The following CFAP74 variants were observed in gnomAD, a reference collection of about 807,000 sequenced individuals.
The protein encoded by CFAP74 is cilia and flagella associated protein 74, also known as cilia- and flagella-associated protein 74.
In CFAP74, 124 loss-of-function variants were observed where a neutral mutation model predicts 188.9. That is an observed-to-expected ratio of 0.66 (90% CI 0.57 to 0.76). The LOEUF is 0.76. CFAP74 is among the 30% of genes least tolerant of loss of function. CFAP74 has a pLI of 0.00. For synonymous variants in CFAP74, 956 were observed against 916.7 expected (o/e 1.04, Z -0.77); for missense variants, 2,198 against 2,165.2 (o/e 1.02, Z -0.30).
At chr1:1,988,808 C>T (rs546279956) in intron 3 of CFAP74, 81 bp downstream of exon 3, 64 of 880,500 alleles carry the variant, frequency 7.3e-5, no homozygotes, top group East Asian at 5.2e-4. Flanking sequence ...GCAGCCGCCC[C>T]GCTCCCTTCA....
At chr1:2,000,861 C>T (rs1658171705) in intron 1 of CFAP74, among the ~76,000 whole-genome samples, 1 of 152,148 alleles carries the variant, frequency 6.6e-6, no homozygotes, top group Non-Finnish European at 1.5e-5. Context: ...GAGACAGCCC[C>T]GATGGCCACG....
intron 18 of CFAP74, among the ~76,000 whole-genome samples, chr1:1,948,946 T>TCC (rs1558014989): frequency 1.6e-5 from 2 of 122,222 alleles, no homozygotes; most frequent in Non-Finnish European, 3.5e-5. Flanking sequence ...CTCCCTTCCT[T>TCC]TCCCTCCCTT....
chr1:1,949,021 T>G (rs1333626759), intron 18 of CFAP74, among the ~76,000 whole-genome samples: 1 of 80,502 alleles, frequency 1.2e-5, no homozygotes, highest in African/African-American at 5.3e-5. Context: ...TCCCCTTCCT[T>G]CCTTCTCTCC....
chr1:1,930,096 G>A lies in CFAP74; in HGVS notation c.3252C>T (p.Thr1084=). Residue 1084 remains threonine, a synonymous_variant, in exon 26 of 39, where the codon ACC becomes ACT. Coordinates refer to ENST00000682832, the MANE Select transcript of CFAP74 (RefSeq NM_001304360.2). ...EFLLPPDSPI[T]ISPSVGTVWP... ...ACACGGTCCCCACTGAGGGCGAGAT[G>A]GTGATAGGCGAGTCTGGGGGCAGCA... is the stretch of plus-strand genomic sequence containing the variant. 1.3e-6 allele frequency: 2 copies of A among 1,533,464 alleles called. No individual in the cohort carries two copies. The highest frequency in any genetic ancestry group is 1.7e-6 in the Non-Finnish European group (2 of 1,144,894). The allele number at this position is 1,533,464 out of a possible 1,614,324, so 95.0% of individuals were successfully genotyped here.
Position 1,922,984 on chromosome 1 carries a change from C to A in CFAP74, c.4683+1G>T, listed in dbSNP as rs375697801. 57 of 1,576,124 alleles carry A rather than the reference C, an allele frequency of 3.6e-5. No individual in the cohort carries two copies. Among genetic ancestry groups the A allele is most frequent in the Non-Finnish European group, 4.8e-5 (56 of 1,164,088 alleles). Reference sequence around the variant, plus strand: ...GTCCCCAGGGGCAGTGCTGTGGGCACCTTCTTTGGAGATGGCTGGGTGGTC... The same window carrying A: ...GTCCCCAGGGGCAGTGCTGTGGGCAACTTCTTTGGAGATGGCTGGGTGGTC... On this transcript the variant is annotated splice_donor_variant, in intron 37 of 38. Transcript: ENST00000682832. LOFTEE classifies it high-confidence loss of function.
chr1:1,988,243 C>A (rs1490114552), intron 4 of CFAP74: 1 of 640,344 alleles, frequency 1.6e-6, no homozygotes, highest in Non-Finnish European at 2.9e-6. Context: ...AAAGAAGCTA[C>A]AACGAAAGCT....
intron 25 of CFAP74, among the ~76,000 whole-genome samples, chr1:1,931,519 A>G (rs4648595): frequency 0.84 from 119,945 of 142,180 alleles, 50,682 homozygotes; most frequent in African/African-American, 0.93. Context: ...GGCGGATCAC[A>G]AGGTCAGGAG....
Position 1,973,670 on chromosome 1 carries a change from G to C in CFAP74, c.674+355C>G, listed in dbSNP as rs564565873. On this transcript the variant is annotated intron_variant, in intron 7 of 38. Coordinates refer to ENST00000682832, the MANE Select transcript of CFAP74 (RefSeq NM_001304360.2). The surrounding 1 kb of genome is among the most constrained non-coding windows in gnomAD (Gnocchi z 6.2). ...GGAGGGGTGCAAAGGAGCAGCCAGA[G>C]GTGGGGATGGAGCCCAGAGAATGGC... 6.6e-6 allele frequency among the ~76,000 whole-genome samples: 1 copy of C among 152,204 alleles called. No homozygotes were observed. Among genetic ancestry groups the C allele is most frequent in the South Asian group, 2.1e-4 (1 of 4,820 alleles).
At chr1:1,937,944 A>T (rs1332068061) in intron 25 of CFAP74, among the ~76,000 whole-genome samples, 1 of 148,296 alleles carries the variant, frequency 6.7e-6, no homozygotes, top group African/African-American at 2.5e-5. Context: ...TCTCACATAA[A>T]CGCACTCATA....
At chr1:1,922,521 AG>A in intron 38 of CFAP74, 67 bp downstream of exon 38, 2 of 1,578,918 alleles carry the variant, frequency 1.3e-6, no homozygotes, top group Non-Finnish European at 1.7e-6. Context: ...GGGACTGGGC[AG>A]GGGTGTCAGC....
chr1:1,969,085 T>A (rs1655696006), intron 10 of CFAP74, among the ~76,000 whole-genome samples: 2 of 152,122 alleles, frequency 1.3e-5, no homozygotes, highest in Admixed American at 1.3e-4. Context: ...GGGAAGCAGA[T>A]GGGCAGAGGC....
At chr1:1,927,062 T>A in intron 28 of CFAP74, 34 bp from the exon 29 acceptor site, 2 of 1,549,640 alleles carry the variant, frequency 1.3e-6, no homozygotes, top group Non-Finnish European at 1.7e-6. Flanking sequence ...GCTCCCGCCT[T>A]GCCCCCACCC....
rs1557985199 is a variant in CFAP74 at position 1,926,678 on chromosome 1, A to G, written c.3746T>C (p.Ile1249Thr). ...CACAGCGACGTCGCCGAAGTTAAAG[A>G]TGGTCTTGCCTTTATGGGACGTCAC... is the stretch of plus-strand genomic sequence containing the variant. ...VVVTSHKGKT[I>T]FNFGDVAVGH... is the part of the protein sequence containing the mutation. The change falls in exon 30 of 39, where the codon ATC becomes ACC. Residue 1249 changes from isoleucine to threonine, a missense_variant. By Grantham distance (89) the Ile-to-Thr change is moderately conservative. Transcript: ENST00000682832. 2 of 1,549,982 alleles carry G rather than the reference A, an allele frequency of 1.3e-6. No homozygotes were observed. Among genetic ancestry groups the G allele is most frequent in the Admixed American group, 2.0e-5 (1 of 50,982 alleles).
In CFAP74 at chr1:1,980,626, C is replaced by T. The variant is rs142901096; in HGVS notation, c.500+4760G>A. On this transcript the variant is annotated intron_variant, in intron 6 of 38. Coordinates refer to ENST00000682832, the MANE Select transcript of CFAP74 (RefSeq NM_001304360.2). ...TGGGACCTGCTGGCCAGGAAATGCC[C>T]GTGAGTCCACAGACGCTTCTGCCAG... is the stretch of plus-strand genomic sequence containing the variant. 3.7e-3 allele frequency among the ~76,000 whole-genome samples: 570 copies of T among 152,338 alleles called. 1 individual carries two copies. The highest frequency in any genetic ancestry group is 0.013 in the African/African-American group (549 of 41,582).
At chr1:1,969,826 G>A (rs544238231) in intron 10 of CFAP74, among the ~76,000 whole-genome samples, 4 of 152,144 alleles carry the variant, frequency 2.6e-5, no homozygotes, top group East Asian at 1.9e-4. Context: ...CAGTGAGAGG[G>A]CCAGGAGCCC....
At chr1:1,929,914 C>T (rs527865223) in intron 26 of CFAP74, 146 bp downstream of exon 26, 26 of 945,240 alleles carry the variant, frequency 2.8e-5, no homozygotes, top group African/African-American at 1.3e-4. Flanking sequence ...CGGCCCTGCT[C>T]GGGTCTGAGG....
intron 1 of CFAP74, among the ~76,000 whole-genome samples, chr1:1,997,002 T>C (rs960260227): frequency 2.7e-5 from 4 of 149,550 alleles, no homozygotes; most frequent in African/African-American, 9.8e-5. Flanking sequence ...TACCAAAAAT[T>C]ACCACAGCAA....
rs28704889 is a variant in CFAP74 at position 1,926,935 on chromosome 1, G to T, written c.3621C>A (p.Gly1207=). Residue 1207 remains glycine (G), a synonymous_variant, in exon 29 of 39, where the codon GGC becomes GGA. Coordinates refer to ENST00000682832, the MANE Select transcript of CFAP74 (RefSeq NM_001304360.2). ...CTGACCCCTTCCTGTCTTTGATGTC[G>T]CCACTGGCAACAACACAGGGAACTA... ...TFVVPCVVAS[G]DIKDRKGSEP... 1.9e-6 allele frequency: 3 copies of T among 1,550,098 alleles called. No homozygotes were observed. Among genetic ancestry groups the T allele is most frequent in the Admixed American group, 3.9e-5 (2 of 50,982 alleles).
intron 14 of CFAP74, among the ~76,000 whole-genome samples, chr1:1,962,044 C>T (rs987423803): frequency 4.6e-5 from 7 of 152,232 alleles, no homozygotes; most frequent in Non-Finnish European, 1.0e-4. Context: ...TTTTGAGAAG[C>T]TGCACTTCAC....
Sources: gnomAD v4.1 joint callset for allele counts (sites outside exome capture counted in the v4.1 genomes callset) on GRCh38, gnomAD v4.1.1 for gene constraint, Gnocchi (gnomAD v3.1) non-coding constraint, MANE v1.5 for transcripts, NCBI Gene and HGNC (gene_info 2026-07-23, HGNC 2026-07-21) for gene names.